Variants in MATN2 observed in about 807,000 individuals in gnomAD.
MATN2 encodes the protein matrilin-2.
MATN2 carries 69 observed loss-of-function variants against 103.2 expected under a neutral mutation model. The ratio of observed to expected loss-of-function variants is 0.67; its 90% CI spans 0.55 to 0.82. The LOEUF (loss-of-function observed/expected upper bound fraction) is 0.82. Ranked by LOEUF, MATN2 falls within the 40% of genes least tolerant of loss-of-function variation. The pLI is 0.00. For missense variants in MATN2, 1,023 were observed against 1,211.5 expected (o/e 0.84, Z 2.31); for synonymous variants, 429 against 450.2 (o/e 0.95, Z 0.60).
At chr8:98,012,790 C>T (rs1299129879) in intron 10 of MATN2, among the ~76,000 whole-genome samples, 1 of 152,146 alleles carries the variant, frequency 6.6e-6, no homozygotes, top group African/African-American at 2.4e-5. Flanking sequence ...TGAATATAGT[C>T]CCATCTCTGC....
At chr8:97,878,010 CA>C (rs1299493151) in intron 1 of MATN2, among the ~76,000 whole-genome samples, 2 of 144,528 alleles carry the variant, frequency 1.4e-5, no homozygotes, top group Non-Finnish European at 1.5e-5. Flanking sequence ...AAAACAAAAA[CA>C]AAAAAAAACA....
chr8:97,895,728 C>G (rs1416018712), intron 2 of MATN2, among the ~76,000 whole-genome samples: 1 of 152,170 alleles, frequency 6.6e-6, no homozygotes, highest in East Asian at 1.9e-4. Context: ...TTACTGAGCC[C>G]CTGCTGTGGG....
intron 7 of MATN2, among the ~76,000 whole-genome samples, 181 bp from the exon 8 acceptor site, chr8:98,003,480 A>G (rs1347929585): frequency 1.3e-5 from 2 of 152,304 alleles, no homozygotes; most frequent in East Asian, 3.9e-4. Flanking sequence ...AAATCTCTGA[A>G]TCTAGCTCAA....
chr8:98,014,107 C>CA (rs1002641480), intron 10 of MATN2, among the ~76,000 whole-genome samples: 18 of 150,474 alleles, frequency 1.2e-4, no homozygotes, highest in South Asian at 8.4e-4. Flanking sequence ...GCCTGTGTCT[C>CA]AAAAAAAAGA....
chr8:97,927,848 A>G (rs1004700131), intron 2 of MATN2, among the ~76,000 whole-genome samples: 6 of 152,192 alleles, frequency 3.9e-5, no homozygotes, highest in African/African-American at 1.4e-4. Context: ...AAGACCCATA[A>G]TAAAGGCCCA....
At chr8:98,014,536 T>G (rs1204788231) in intron 10 of MATN2, among the ~76,000 whole-genome samples, 1 of 152,226 alleles carries the variant, frequency 6.6e-6, no homozygotes, top group Admixed American at 6.5e-5. Flanking sequence ...CTTTTCCCAT[T>G]CTTCAAAGAT....
chr8:97,873,966 G>T (rs1255171503), intron 1 of MATN2, among the ~76,000 whole-genome samples: 1 of 152,072 alleles, frequency 6.6e-6, no homozygotes, highest in Non-Finnish European at 1.5e-5. Flanking sequence ...AGTCACTGTT[G>T]CCCCATCAAC....
At chr8:97,905,406 C>A (rs573096051) in intron 2 of MATN2, among the ~76,000 whole-genome samples, 1 of 152,112 alleles carries the variant, frequency 6.6e-6, no homozygotes, top group African/African-American at 2.4e-5. Flanking sequence ...TCCCCACCCC[C>A]CAGTAACTTC....
intron 4 of MATN2, among the ~76,000 whole-genome samples, chr8:97,960,196 A>T (rs1269053253): frequency 6.6e-6 from 1 of 152,150 alleles, no homozygotes; most frequent in Non-Finnish European, 1.5e-5. Flanking sequence ...ACCTCAGATG[A>T]TCCTCCCGCC....
chr8:97,977,233 CT>C (rs1811867684), intron 5 of MATN2, among the ~76,000 whole-genome samples: 1 of 50,326 alleles, frequency 2.0e-5, no homozygotes, highest in Non-Finnish European at 3.3e-5. Flanking sequence ...GAGACCCTGT[CT>C]CAAAAAAAAA....
At chr8:97,949,137 G>T (rs1175821635) in intron 4 of MATN2, among the ~76,000 whole-genome samples, 1 of 151,056 alleles carries the variant, frequency 6.6e-6, no homozygotes, top group African/African-American at 2.4e-5. Context: ...AATGTTATCA[G>T]ACAGGAGATA....
intron 3 of MATN2, among the ~76,000 whole-genome samples, chr8:97,940,153 CA>C (rs1213841034): frequency 6.6e-6 from 1 of 152,086 alleles, no homozygotes; most frequent in East Asian, 1.9e-4. Context: ...GAAAATTGCA[CA>C]AAGGGCTGGG....
At chr8:97,924,423 G>C (rs926129793) in intron 2 of MATN2, among the ~76,000 whole-genome samples, 2 of 152,022 alleles carry the variant, frequency 1.3e-5, no homozygotes, top group African/African-American at 4.8e-5. Context: ...CAAACCATCT[G>C]CTCGTGGGAA....
intron 2 of MATN2, among the ~76,000 whole-genome samples, chr8:97,894,037 A>C (rs1242929057): frequency 6.6e-6 from 1 of 152,206 alleles, no homozygotes; most frequent in East Asian, 1.9e-4. Flanking sequence ...TCTCCTTTGG[A>C]TCAATACTAC....
chr8:97,982,151 C>A lies in MATN2; in HGVS notation c.1081+3143C>A, dbSNP rs1277276513. Among the ~76,000 whole-genome samples, 2 of 152,116 alleles carry A rather than the reference C, an allele frequency of 1.3e-5. No homozygotes were observed. The highest frequency in any genetic ancestry group is 3.8e-4 in the East Asian group (2 of 5,196). ...GCTTGGGGTGGGCAGGAGCCAGACC[C>A]AGGAGGAGGGAGACAAGAGGAAGAA... is the stretch of plus-strand genomic sequence containing the variant. On this transcript the variant is annotated intron_variant, in intron 6 of 18. Transcript: ENST00000254898. This position sits in a 1 kb window ranked among gnomAD's most constrained non-coding sequence, Gnocchi z 4.3.
Position 97,961,456 on chromosome 8 carries a change from T to A in MATN2, c.884T>A (p.Val295Glu). ...GACCACAACTGTGAGCAGCTCTGTG[T>A]GAATGTGCCGGGCTCCTTCGTCTGC... ...MEDHNCEQLC[V>E]NVPGSFVCQC... The change falls in exon 5 of 19, where the codon GTG becomes GAG. Residue 295 changes from valine (V) to glutamate (E), a missense_variant. Val to Glu is a moderately radical substitution (Grantham distance 121). Coordinates refer to ENST00000254898, the MANE Select transcript of MATN2 (RefSeq NM_002380.5). The A allele has an allele frequency of 6.2e-7, 1 of 1,613,866 alleles. No individual in the cohort carries two copies. Among genetic ancestry groups the A allele is most frequent in the East Asian group, 2.2e-5 (1 of 44,878 alleles).
At chr8:97,933,551 G>A (rs752445693) in intron 3 of MATN2, among the ~76,000 whole-genome samples, 37 of 121,630 alleles carry the variant, frequency 3.0e-4, no homozygotes, top group Non-Finnish European at 5.1e-4. Context: ...TCCTGGTGTC[G>A]AATAGGATAT....
intron 10 of MATN2, among the ~76,000 whole-genome samples, chr8:98,015,893 T>C (rs1394344921): frequency 6.6e-6 from 1 of 152,198 alleles, no homozygotes; most frequent in Non-Finnish European, 1.5e-5. Flanking sequence ...ACTGACTGAA[T>C]ACATGAATGA....
At chr8:98,033,847 C>A (rs1814137729) in intron 18 of MATN2, 188 bp downstream of exon 18, 1 of 550,450 alleles carries the variant, frequency 1.8e-6, no homozygotes, top group East Asian at 2.9e-5. Context: ...GCAAGCCAAG[C>A]TTATTAGCAG....
Sources: allele counts gnomAD v4.1 joint callset (sites outside exome capture counted in the v4.1 genomes callset), GRCh38; gene constraint gnomAD v4.1.1; non-coding constraint Gnocchi (gnomAD v3.1); transcripts MANE v1.5; gene names NCBI Gene and HGNC (gene_info 2026-07-23, HGNC 2026-07-21).